PIGQ: variants seen among roughly 807,000 people sequenced by gnomAD.
PIGQ encodes phosphatidylinositol N-acetylglucosaminyltransferase subunit Q.
A neutral mutation model predicts 60.3 loss-of-function variants in PIGQ; 54 were observed. The ratio of observed to expected loss-of-function variants is 0.90; its 90% CI spans 0.72 to 1.12. The LOEUF is 1.12. PIGQ is among the 50% of genes most tolerant of loss of function. PIGQ has a pLI of 0.00. For missense variants in PIGQ, 799 were observed against 793.5 expected, an observed-to-expected ratio of 1.01 and a Z score of -0.08; for synonymous variants, 416 against 363.7, an observed-to-expected ratio of 1.14 and a Z score of -1.64.
At chr16:582,630 T>A in intron 10 of PIGQ, 1 of 582,174 alleles carries the variant, frequency 1.7e-6, no homozygotes, top group Non-Finnish European at 3.1e-6. Flanking sequence ...TGGGGTGGGG[T>A]GTGCGTCCCT....
intron 7 of PIGQ, 103 bp from the exon 8 acceptor site, chr16:580,080 G>C: frequency 1.2e-6 from 1 of 805,378 alleles, no homozygotes; most frequent in Non-Finnish European, 1.9e-6. Context: ...TCAGGAAGCC[G>C]CAAGGTCCCG....
Position 583,067 on chromosome 16 carries a change from C to T in PIGQ, c.*32C>T, listed in dbSNP as rs757006272. 9.9e-6 allele frequency: 16 copies of T among 1,612,824 alleles called. No homozygotes were observed. Among genetic ancestry groups the T allele is most frequent in the East Asian group, 6.7e-5 (3 of 44,904 alleles). On this transcript the variant is annotated 3_prime_UTR_variant, in exon 11 of 11. Transcript: ENST00000321878. ...TGCTGGCTCGCCTGGCACCACCACA[C>T]GGCCACAGCCAGCCATCTGCTCTGC...
In PIGQ at chr16:580,717, G is replaced by T. The variant is rs970826905; in HGVS notation, c.1417-141G>T. 19 of 676,666 alleles carry T rather than the reference G, an allele frequency of 2.8e-5. No individual in the cohort carries two copies. In the East Asian group the frequency reaches 4.7e-4, roughly 17 times the overall value. The allele number at this position is 676,666 out of a possible 1,614,324, so 41.9% of individuals were successfully genotyped here. A position where few individuals can be genotyped will look rare whatever the true frequency, so the allele number is the denominator to read the frequency against. ...AGCAAGGCCCAATGGCAGACTCCGTGCCCTGCTCAGGGTGGGGTCCCTGCT... is the reference window on the plus strand; with the variant it reads ...AGCAAGGCCCAATGGCAGACTCCGTTCCCTGCTCAGGGTGGGGTCCCTGCT... On this transcript the variant is annotated intron_variant, in intron 8 of 10. Coordinates refer to ENST00000321878, the MANE Select transcript of PIGQ (RefSeq NM_004204.5).
intron 7 of PIGQ, 186 bp downstream of exon 7, chr16:579,366 G>A: frequency 1.7e-6 from 1 of 605,784 alleles, no homozygotes; most frequent in Non-Finnish European, 2.9e-6. Flanking sequence ...GCAGCGCAGA[G>A]CTTCCCTGGG....
rs770436948 is a variant in PIGQ at position 580,882 on chromosome 16, C to T, written c.1441C>T (p.Gln481Ter). 6.3e-7 allele frequency: 1 copy of T among 1,575,476 alleles called. No individual in the cohort carries two copies. Among genetic ancestry groups the T allele is most frequent in the South Asian group, 1.1e-5 (1 of 90,278 alleles). The change falls in exon 9 of 11, where the codon CAG becomes TAG. Residue 481 changes from glutamine to a stop codon, truncating the protein, a stop_gained. Coordinates refer to ENST00000321878, the MANE Select transcript of PIGQ (RefSeq NM_004204.5). LOFTEE classifies it high-confidence loss of function. ...GCTCCGGCTCCTGGTGGTCGCCGTG[C>T]AGGGCCTGATCCATCTGCTCGTGGA... ...TLLRLLVVAV[Q>*]GLIHLLVDLI...
In PIGQ at chr16:583,907, T is replaced by C; in HGVS notation, c.*872T>C. The C allele has an allele frequency of 1.9e-6, 1 of 521,806 alleles. No individual in the cohort carries two copies. The highest frequency in any genetic ancestry group is 3.5e-6 in the Non-Finnish European group (1 of 284,116). 32.3% of individuals were successfully genotyped at this position (521,806 alleles called of 1,614,324 possible). A position where few individuals can be genotyped will look rare whatever the true frequency, so the allele number is the denominator to read the frequency against. On this transcript the variant is annotated 3_prime_UTR_variant, in exon 11 of 11. Transcript: ENST00000321878. Reference sequence around the variant, plus strand: ...CGAAAGTGCCTGCCAGACGGCACGGTCTGGGTGCGGGTGTTCCCTGTGAGC... The same window carrying C: ...CGAAAGTGCCTGCCAGACGGCACGGCCTGGGTGCGGGTGTTCCCTGTGAGC...
intron 8 of PIGQ, 59 bp downstream of exon 8, chr16:580,322 C>T (rs893499574): frequency 1.3e-5 from 18 of 1,355,462 alleles, no homozygotes; most frequent in South Asian, 5.1e-5. Flanking sequence ...CTTCTGCCAG[C>T]GCTGCCTGGG....
intron 8 of PIGQ, 41 bp from the exon 9 acceptor site, chr16:580,817 C>G: frequency 1.1e-6 from 1 of 892,160 alleles, no homozygotes; most frequent in Admixed American, 1.7e-5. Context: ...TGCCCCCAGG[C>G]GCGTCTGGCC....
rs867946871 is a variant in PIGQ at position 571,085 on chromosome 16, G to C, written c.-10+989G>C. Among the ~76,000 whole-genome samples, 73 of 9,806 alleles carry C rather than the reference G, an allele frequency of 7.4e-3. 1 individual carries two copies. Among genetic ancestry groups the C allele is most frequent in the African/African-American group, 9.9e-3 (25 of 2,518 alleles). The allele number at this position is 9,806 out of a possible 152,430, so 6.4% of individuals were successfully genotyped here. ...TGTGTGTGTGTGTGTGTGTGTGTGT[G>C]TGTGTGTGTGTGTGTGTGTGTGTCT... On this transcript the variant is annotated intron_variant, in intron 1 of 10. Transcript: ENST00000321878.
Position 575,943 on chromosome 16 carries a change from A to G in PIGQ, c.794A>G (p.Lys265Arg), listed in dbSNP as rs375666595. Residue 265 changes from lysine to arginine, a missense_variant, in exon 3 of 11, where the codon AAG becomes AGG. Physicochemically the swap from Lys to Arg is conservative, Grantham distance 26. Coordinates refer to ENST00000321878, the MANE Select transcript of PIGQ (RefSeq NM_004204.5). ...CTCACGCTAATCTTCAGTACACGGA[A>G]GGCGGAGAACCCTGCCCAGCTGATG... ...EHLTLIFSTR[K>R]AENPAQLMRK... 7 of 1,585,766 alleles carry G rather than the reference A, an allele frequency of 4.4e-6. No individual in the cohort carries two copies. In the African/African-American group the frequency reaches 8.0e-5, roughly 18 times the overall value.
intron 10 of PIGQ, chr16:582,648 GGCCCCTCAGAGTTGGGCA>G: frequency 1.7e-6 from 1 of 593,280 alleles, no homozygotes; most frequent in South Asian, 2.1e-5. Flanking sequence ...CCTGTGGCAC[GGCCCCTCAGAGTTGGGCA>G]GCCCCGAGGG....
intron 1 of PIGQ, among the ~76,000 whole-genome samples, chr16:572,047 A>G (rs369087105): frequency 1.3e-5 from 2 of 151,974 alleles, no homozygotes; most frequent in African/African-American, 4.8e-5. Flanking sequence ...TGTTAGACCC[A>G]TTGTGTTTCT....
chr16:583,206 GAGC>G lies in PIGQ; in HGVS notation c.*174_*176del. ...CTTGGGCTTGGAGGTCATTGGGAGT[GAGC>G]AGATGTGGGGGTGGCCAGCCAGGCT... On this transcript the variant is annotated 3_prime_UTR_variant, in exon 11 of 11. Coordinates refer to ENST00000321878, the MANE Select transcript of PIGQ (RefSeq NM_004204.5). 1.9e-6 allele frequency: 3 copies of G among 1,613,238 alleles called. No individual in the cohort carries two copies. Among genetic ancestry groups the G allele is most frequent in the Non-Finnish European group, 2.5e-6 (3 of 1,179,996 alleles).
chr16:579,296 C>A (rs2035775001), intron 7 of PIGQ, 116 bp downstream of exon 7: 2 of 749,090 alleles, frequency 2.7e-6, no homozygotes, highest in Non-Finnish European at 2.3e-6. Context: ...GCAGCTGAGG[C>A]CGCGCACAGG....
intron 1 of PIGQ, among the ~76,000 whole-genome samples, chr16:571,611 CGTGTGT>C (rs4006749): frequency 1.3e-4 from 16 of 125,102 alleles, no homozygotes; most frequent in African/African-American, 2.8e-4. Flanking sequence ...GCCTGGCGCC[CGTGTGT>C]GTGTGTGTGT....
In PIGQ at chr16:582,262, C is replaced by A. The variant is rs144613953; in HGVS notation, c.1546C>A (p.Arg516Ser). The A allele has an allele frequency of 2.3e-3, 3,772 of 1,607,022 alleles. 12 individuals carry two copies. The highest frequency in any genetic ancestry group is 2.9e-3 in the Non-Finnish European group (3,402 of 1,176,816). ...TATCCTTGCAGCTGGCGTGAAGTTC[C>A]GTGTCCTCCGGCACGAGGCCGGCAG... The part of the protein sequence containing the change: ...PYRLAAGVKF[R>S]VLRHEAGRPL... The change falls in exon 10 of 11, where the codon CGT becomes AGT. Residue 516 changes from arginine to serine, a missense_variant. By Grantham distance (110) the Arg-to-Ser change is moderately radical (BLOSUM62 -1). Transcript: ENST00000321878.
In PIGQ at chr16:580,959, C is replaced by T. The variant is rs775983894; in HGVS notation, c.1518C>T (p.Pro506=). 6.2e-7 allele frequency: 1 copy of T among 1,607,220 alleles called. No homozygotes were observed. Residue 506 remains proline, a synonymous_variant, in exon 9 of 11, where the codon CCC becomes CCT. Transcript: ENST00000321878. The stretch of plus-strand genomic sequence containing the variant: ...CACTGGGTCTTCGGCTCTGCCGGCC[C>T]TACAGGCTGGCGGGTAAGTGCTGCG... ...LYSLGLRLCR[P]YRLAAGVKFR... is the part of the protein sequence containing the mutation.
chr16:578,228 G>A (rs1410010027), intron 4 of PIGQ, 151 bp from the exon 5 acceptor site: 2 of 712,832 alleles, frequency 2.8e-6, no homozygotes, highest in African/African-American at 3.6e-5. Context: ...CATCTGTGAA[G>A]GGGAGCCCGT....
At chr16:582,810 CG>C in intron 10 of PIGQ, 72 bp from the exon 11 acceptor site, 1 of 1,479,218 alleles carries the variant, frequency 6.8e-7, no homozygotes, top group African/African-American at 1.4e-5. Flanking sequence ...CACAACTGCC[CG>C]CCCCCACCCT....
Sources: gnomAD v4.1 joint callset for allele counts (sites outside exome capture counted in the v4.1 genomes callset) on GRCh38, gnomAD v4.1.1 for gene constraint, MANE v1.5 for transcripts, NCBI Gene and HGNC (gene_info 2026-07-23, HGNC 2026-07-21) for gene names.